The following TP53I11 variants were observed in gnomAD, a reference collection of about 807,000 sequenced individuals.
The protein encoded by TP53I11 is tumor protein p53-inducible protein 11.
In TP53I11, 9 loss-of-function variants were observed where a neutral mutation model predicts 23.3. The ratio of observed to expected loss-of-function variants is 0.39; its 90% CI spans 0.23 to 0.67. The LOEUF (loss-of-function observed/expected upper bound fraction) is 0.67. Ranked by LOEUF, TP53I11 falls within the 30% of genes least tolerant of loss-of-function variation. The pLI, the probability that TP53I11 is intolerant of heterozygous loss-of-function variation, is 0.48. For missense variants in TP53I11, 170 were observed against 255.2 expected, an observed-to-expected ratio of 0.67 and a Z score of 2.27; for synonymous variants, 100 against 106.1, an observed-to-expected ratio of 0.94 and a Z score of 0.35.
chr11:44,949,358 C>G (rs1300224322), intron 1 of TP53I11, among the ~76,000 whole-genome samples: 1 of 152,084 alleles, frequency 6.6e-6, no homozygotes, highest in East Asian at 1.9e-4. Context: ...TGGGCAGCCC[C>G]GGTGACTTCT....
chr11:44,935,766 C>T (rs1021911054), intron 5 of TP53I11, 104 bp from the exon 6 acceptor site: 100 of 788,214 alleles, frequency 1.3e-4, no homozygotes, highest in Middle Eastern at 6.9e-4. Flanking sequence ...TGCAAGACAG[C>T]TGGGGTCCTG....
chr11:44,940,562 C>G lies in TP53I11; in HGVS notation c.-31-2196G>C, dbSNP rs1861647801. ...TGAGCAGAATGCCTTTGAGATTCCT[C>G]CAAGTCACTGTGTGTATCAAGAGTC... On this transcript the variant is annotated intron_variant, in intron 1 of 6. Coordinates refer to ENST00000525680, the MANE Select transcript of TP53I11 (RefSeq NM_006034.5). 2.0e-5 allele frequency: 3 copies of G among 152,214 alleles called. No homozygotes were observed. In the South Asian group the frequency reaches 6.2e-4, roughly 32 times the overall value. The allele number at this position is 152,214 out of a possible 1,614,324, so 9.4% of individuals were successfully genotyped here.
chr11:44,935,092 G>A, intron 6 of TP53I11, 75 bp from the exon 7 acceptor site: 1 of 1,592,174 alleles, frequency 6.3e-7, no homozygotes, highest in Non-Finnish European at 8.5e-7. Flanking sequence ...CTAGCCCGGA[G>A]CGCTGGTGTG....
At chr11:44,941,945 C>T (rs1295251103) in intron 1 of TP53I11, among the ~76,000 whole-genome samples, 1 of 83,172 alleles carries the variant, frequency 1.2e-5, no homozygotes, top group African/African-American at 4.5e-5. Context: ...TCCACCAACA[C>T]ATGCACACAC....
At position 44,934,775 on chromosome 11, in the gene TP53I11, G is replaced by A. The variant is rs183057824; in HGVS notation, c.*109C>T. On this transcript the variant is annotated 3_prime_UTR_variant, in exon 7 of 7. Coordinates refer to ENST00000525680, the MANE Select transcript of TP53I11 (RefSeq NM_006034.5). ...CCCACCCCCTGCCTCCCTGGGGCAG[G>A]ACTGGGGCAGGGCAGGGGACCCTCC... 30 of 1,485,518 alleles carry A rather than the reference G, an allele frequency of 2.0e-5. No homozygotes were observed. In the Admixed American group the frequency reaches 2.4e-4, roughly 12 times the overall value. The allele number at this position is 1,485,518 out of a possible 1,614,324, so 92.0% of individuals were successfully genotyped here. A position where few individuals can be genotyped will look rare whatever the true frequency, so the allele number is the denominator to read the frequency against.
chr11:44,937,699 C>A, intron 2 of TP53I11, 86 bp from the exon 3 acceptor site: 1 of 1,441,744 alleles, frequency 6.9e-7, no homozygotes, highest in East Asian at 2.3e-5. Context: ...CCCTGCACAC[C>A]CAGGGACCAG....
chr11:44,938,067 C>A (rs1861356334), intron 2 of TP53I11, 140 bp downstream of exon 2: 2 of 1,223,660 alleles, frequency 1.6e-6, no homozygotes. Context: ...ATTCCCCTGG[C>A]ATTGCTGTTA....
chr11:44,941,996 T>C (rs75091471), intron 1 of TP53I11, among the ~76,000 whole-genome samples: 6 of 6,020 alleles, frequency 1.0e-3, no homozygotes, highest in East Asian at 3.4e-3. Flanking sequence ...ACACACCACA[T>C]ATACACACCA....
rs368200509 is a variant in TP53I11 at position 44,933,425 on chromosome 11, CT to C, written c.*1458del. The C allele has an allele frequency of 4.1e-3, 633 of 152,568 alleles. 5 individuals are homozygous for C. The highest frequency in any genetic ancestry group is 0.015 in the African/African-American group (609 of 41,562). The allele number at this position is 152,568 out of a possible 1,614,324, so 9.5% of individuals were successfully genotyped here. A position where few individuals can be genotyped will look rare whatever the true frequency, so the allele number is the denominator to read the frequency against. ...GAGTCTGAGGCCTGGGGCTGCTTTT[CT>C]CCCTACACCTGTCCCCAGGGCTTGG... On this transcript the variant is annotated 3_prime_UTR_variant, in exon 7 of 7. Transcript: ENST00000525680.
At chr11:44,946,979 G>A in intron 1 of TP53I11, 1 of 455,948 alleles carries the variant, frequency 2.2e-6, no homozygotes, top group Non-Finnish European at 4.4e-6. Context: ...GCAGAGGAAA[G>A]CCCAACCTTT....
chr11:44,939,000 C>G (rs144623120), intron 1 of TP53I11: 1 of 152,466 alleles, frequency 6.6e-6, no homozygotes, highest in African/African-American at 2.4e-5. Flanking sequence ...CTTGCCCTCC[C>G]GGCCATCAGC....
Position 44,936,464 on chromosome 11 carries a change from AT to A in TP53I11, c.334+338del, listed in dbSNP as rs1223586641. The A allele has an allele frequency of 1.3e-5, 16 of 1,234,604 alleles. No homozygotes were observed. The highest frequency in any genetic ancestry group is 1.0e-6 in the Non-Finnish European group (1 of 990,106). The allele number at this position is 1,234,604 out of a possible 1,614,324, so 76.5% of individuals were successfully genotyped here. On this transcript the variant is annotated intron_variant, in intron 5 of 6. Coordinates refer to ENST00000525680, the MANE Select transcript of TP53I11 (RefSeq NM_006034.5). This position sits in a 1 kb window ranked among gnomAD's most constrained non-coding sequence, Gnocchi z 4.4. The stretch of plus-strand genomic sequence containing the variant: ...GTGCGAGGGGTTTTGCAGACACTGA[AT>A]TGATCTGCCTCTCCTCTAGGCTGTG...
intron 5 of TP53I11, chr11:44,935,905 G>A (rs1427801055): frequency 1.7e-6 from 1 of 577,774 alleles, no homozygotes; most frequent in African/African-American, 1.9e-5. Context: ...GTGACACTGG[G>A]CGAGTCACTT....
At chr11:44,948,421 C>G (rs562883507) in intron 1 of TP53I11, among the ~76,000 whole-genome samples, 4 of 152,304 alleles carry the variant, frequency 2.6e-5, no homozygotes, top group African/African-American at 9.6e-5. Context: ...TCATCTCCCT[C>G]AAGGCTGTAG....
chr11:44,947,087 G>A (rs1003292374), intron 1 of TP53I11: 14 of 456,264 alleles, frequency 3.1e-5, no homozygotes, highest in Admixed American at 3.1e-4. Flanking sequence ...GCAAGAAGGA[G>A]GCATTCCTGG....
intron 1 of TP53I11, among the ~76,000 whole-genome samples, chr11:44,939,530 A>G (rs1278947943): frequency 6.6e-6 from 1 of 152,162 alleles, no homozygotes; most frequent in African/African-American, 2.4e-5. Context: ...CCCCAGGCAA[A>G]TCTCACCCTC....
At chr11:44,947,233 ATTCCTGTCC>A in intron 1 of TP53I11, 2 of 418,540 alleles carry the variant, frequency 4.8e-6, no homozygotes, top group South Asian at 3.4e-5. Flanking sequence ...AACATGAAGA[ATTCCTGTCC>A]TTTTCGACTC....
rs191899251 is a variant in TP53I11 at position 44,941,700 on chromosome 11, C to T, written c.-31-3334G>A. ...CACAGACACTGCCACCCTCCCCAGG[C>T]CTCCCATGTGGCAGTGGCACCAGGA... On this transcript the variant is annotated intron_variant, in intron 1 of 6. Coordinates refer to ENST00000525680, the MANE Select transcript of TP53I11 (RefSeq NM_006034.5). Among the ~76,000 whole-genome samples, 23 of 152,250 alleles carry T rather than the reference C, an allele frequency of 1.5e-4. No homozygotes were observed. In the East Asian group the frequency reaches 4.4e-3, roughly 29 times the overall value.
intron 1 of TP53I11, among the ~76,000 whole-genome samples, chr11:44,942,066 TACC>T (rs1861855266): frequency 8.7e-5 from 1 of 11,546 alleles, no homozygotes; most frequent in African/African-American, 3.8e-4. Context: ...ACCACACACA[TACC>T]ACACACACAC....
Sources: gnomAD v4.1 joint callset for allele counts (sites outside exome capture counted in the v4.1 genomes callset) on GRCh38, gnomAD v4.1.1 for gene constraint, Gnocchi (gnomAD v3.1) non-coding constraint, MANE v1.5 for transcripts, NCBI Gene and HGNC (gene_info 2026-07-23, HGNC 2026-07-21) for gene names.